The following MARCHF1 variants were observed in gnomAD, a reference collection of about 807,000 sequenced individuals.
MARCHF1 encodes the protein E3 ubiquitin-protein ligase MARCHF1.
MARCHF1 carries 40 observed loss-of-function variants against 54.2 expected under a neutral mutation model. The ratio of observed to expected loss-of-function variants is 0.74; its 90% CI spans 0.57 to 0.96. MARCHF1 has a LOEUF of 0.96. MARCHF1 is among the 40% of genes least tolerant of loss of function. The probability of loss-of-function intolerance (pLI) is 0.00; values close to 1 mark genes in which losing one functional copy is unlikely to be tolerated. For synonymous variants in MARCHF1, 236 were observed against 236.3 expected, an observed-to-expected ratio of 1.00 and a Z score of 0.01; for missense variants, 586 against 656.5, an observed-to-expected ratio of 0.89 and a Z score of 1.17.
intron 3 of MARCHF1, among the ~76,000 whole-genome samples, chr4:163,960,797 G>T (rs1261473437): frequency 7.0e-6 from 1 of 143,816 alleles, no homozygotes; most frequent in Non-Finnish European, 1.5e-5. Flanking sequence ...ATGTACCCTT[G>T]AAACTAAAAT....
intron 2 of MARCHF1, among the ~76,000 whole-genome samples, chr4:164,106,134 G>A (rs1178616212): frequency 3.3e-5 from 5 of 150,126 alleles, no homozygotes; most frequent in African/African-American, 7.5e-5. Context: ...TGGAGAGGAT[G>A]TGGAGAAATA....
At chr4:163,612,222 A>G in intron 7 of MARCHF1, 49 bp downstream of exon 7, 1 of 1,413,194 alleles carries the variant, frequency 7.1e-7, no homozygotes, top group Non-Finnish European at 9.2e-7. Context: ...ACTCACTGCA[A>G]AAAGAACTAT....
rs181338192 is a variant in MARCHF1, at chr4:163,756,581, G to A, written c.112-55718C>T. The stretch of plus-strand genomic sequence containing the variant: ...CAGGAGGCAGAGGTTGCAGTGAGCC[G>A]AGATAGCGCCACTGTACTCCAGCCT... On this transcript the variant is annotated intron_variant, in intron 4 of 9. Transcript: ENST00000514618. Among the ~76,000 whole-genome samples the A allele has an allele frequency of 1.2e-3, 165 of 132,050 alleles. 1 individual carries two copies. The highest frequency in any genetic ancestry group is 4.6e-3 in the African/African-American group (160 of 34,900). 86.6% of individuals were successfully genotyped at this position (132,050 alleles called of 152,430 possible). A position where few individuals can be genotyped will look rare whatever the true frequency, so the allele number is the denominator to read the frequency against.
intron 7 of MARCHF1, among the ~76,000 whole-genome samples, chr4:163,609,183 GC>G (rs1449558550): frequency 6.6e-6 from 1 of 151,986 alleles, no homozygotes; most frequent in Non-Finnish European, 1.5e-5. Context: ...CTGCTCTTCT[GC>G]AGTTCAATAA....
chr4:164,061,660 A>G (rs1754618445), intron 2 of MARCHF1, among the ~76,000 whole-genome samples: 1 of 151,818 alleles, frequency 6.6e-6, no homozygotes, highest in Admixed American at 6.6e-5. Context: ...GTGCACATGT[A>G]CCCTAAAACT....
intron 7 of MARCHF1, among the ~76,000 whole-genome samples, chr4:163,596,422 C>G (rs1169371059): frequency 6.6e-6 from 1 of 151,626 alleles, no homozygotes; most frequent in Non-Finnish European, 1.5e-5. Context: ...TGCCTGTAAT[C>G]CCAGTTGTTT....
At chr4:163,551,843 GTC>G (rs1237874549) in intron 8 of MARCHF1, among the ~76,000 whole-genome samples, 2 of 152,126 alleles carry the variant, frequency 1.3e-5, no homozygotes, top group African/African-American at 2.4e-5. Context: ...GCCTTTCACT[GTC>G]TGCCATGATT....
At chr4:163,643,900 T>C (rs1742655288) in intron 5 of MARCHF1, among the ~76,000 whole-genome samples, 2 of 152,244 alleles carry the variant, frequency 1.3e-5, no homozygotes, top group Admixed American at 1.3e-4. Context: ...ATAGATAGAA[T>C]GGAATGGAGA....
intron 1 of MARCHF1, among the ~76,000 whole-genome samples, chr4:164,195,940 C>T (rs987360178): frequency 3.3e-5 from 5 of 151,894 alleles, no homozygotes; most frequent in Non-Finnish European, 2.9e-5. Flanking sequence ...TTGAGGTCTC[C>T]AATTCTATGC....
intron 1 of MARCHF1, among the ~76,000 whole-genome samples, chr4:164,152,324 T>A (rs1729964349): frequency 6.6e-6 from 1 of 152,274 alleles, no homozygotes; most frequent in African/African-American, 2.4e-5. Context: ...TACTTTCTGC[T>A]GTCCCATATT....
At position 163,634,465 on chromosome 4, in the gene MARCHF1, G is replaced by T. The variant is rs1397811517; in HGVS notation, c.163-21072C>A. Reference sequence around the variant, plus strand: ...TGCAATCCTAGTCTCTGATAAAACAGACTTTAAACCAACAAAGATCAAAAG... The same window carrying T: ...TGCAATCCTAGTCTCTGATAAAACATACTTTAAACCAACAAAGATCAAAAG... On this transcript the variant is annotated intron_variant, in intron 5 of 9. Coordinates refer to ENST00000514618, the MANE Select transcript of MARCHF1 (RefSeq NM_001394959.1). 2.8e-4 allele frequency among the ~76,000 whole-genome samples: 41 copies of T among 145,462 alleles called. No individual in the cohort carries two copies. The South Asian group carries it at 8.9e-3, about 32-fold the overall frequency.
chr4:164,233,345 CATTGTTTTGAGT>C (rs1727667955), intron 1 of MARCHF1, among the ~76,000 whole-genome samples: 1 of 152,100 alleles, frequency 6.6e-6, no homozygotes, highest in South Asian at 2.1e-4. Flanking sequence ...CCAATGACAT[CATTGTTTTGAGT>C]ATAAGGCCCT....
intron 1 of MARCHF1, among the ~76,000 whole-genome samples, chr4:164,209,982 A>G (rs1045764705): frequency 6.6e-6 from 1 of 152,332 alleles, no homozygotes; most frequent in Non-Finnish European, 1.5e-5. Flanking sequence ...TTGAATAAAC[A>G]TCTTGGCTAG....
At chr4:163,748,261 C>T (rs1242128136) in intron 4 of MARCHF1, among the ~76,000 whole-genome samples, 1 of 152,168 alleles carries the variant, frequency 6.6e-6, no homozygotes, top group East Asian at 1.9e-4. Context: ...TTTCCCACCA[C>T]TCTGTTCAAT....
chr4:164,323,643 C>T (rs1442087552), intron 1 of MARCHF1, among the ~76,000 whole-genome samples: 1 of 84,086 alleles, frequency 1.2e-5, no homozygotes, highest in Admixed American at 1.5e-4. Flanking sequence ...GTACTGAGAA[C>T]AGGGACACAT....
At chr4:163,741,325 C>T (rs2111357776) in intron 4 of MARCHF1, among the ~76,000 whole-genome samples, 1 of 152,234 alleles carries the variant, frequency 6.6e-6, no homozygotes, top group Non-Finnish European at 1.5e-5. Context: ...TGGCTCAAGC[C>T]TGTAATCCCA....
chr4:164,077,464 G>A lies in MARCHF1; in HGVS notation c.-248+34124C>T, dbSNP rs569600103. 1.8e-4 allele frequency among the ~76,000 whole-genome samples: 28 copies of A among 152,222 alleles called. No individual in the cohort carries two copies. The South Asian group carries it at 5.8e-3, about 32-fold the overall frequency. On this transcript the variant is annotated intron_variant, in intron 2 of 9. Coordinates refer to ENST00000514618, the MANE Select transcript of MARCHF1 (RefSeq NM_001394959.1). ...CTAGGCAATACTATTCAGGACATAG[G>A]CATGGGCAAAGACTTCATGACTAAA... is the stretch of plus-strand genomic sequence containing the variant.
intron 3 of MARCHF1, among the ~76,000 whole-genome samples, chr4:163,858,807 C>A (rs1749839890): frequency 6.6e-6 from 1 of 152,222 alleles, no homozygotes; most frequent in Non-Finnish European, 1.5e-5. Context: ...CGTGCTCACA[C>A]ACAGTCCTTA....
chr4:163,700,977 G>T, intron 4 of MARCHF1, 114 bp from the exon 5 acceptor site: 2 of 693,404 alleles, frequency 2.9e-6, no homozygotes, highest in Non-Finnish European at 5.0e-6. Context: ...TCTCTATATT[G>T]TTTTGACTAA....
Sources: gnomAD v4.1 joint callset for allele counts (sites outside exome capture counted in the v4.1 genomes callset) on GRCh38, gnomAD v4.1.1 for gene constraint, MANE v1.5 for transcripts, NCBI Gene and HGNC (gene_info 2026-07-23, HGNC 2026-07-21) for gene names.